The following PTPN14 variants were observed in gnomAD, a reference collection of about 807,000 sequenced individuals.
The protein encoded by PTPN14 is protein tyrosine phosphatase non-receptor type 14, also known as tyrosine-protein phosphatase non-receptor type 14.
Under a neutral mutation model 126.8 loss-of-function variants are expected in PTPN14, and 53 were observed. That is an observed-to-expected ratio of 0.42 (90% CI 0.34 to 0.53). The LOEUF (loss-of-function observed/expected upper bound fraction) is 0.53, where lower values mean the gene tolerates loss of function less well. Among genes scored for constraint, PTPN14 ranks in the 20% least tolerant of loss-of-function variants. PTPN14 has a pLI of 0.08. For missense variants in PTPN14, 1,257 were observed against 1,552.9 expected (o/e 0.81, Z 3.20); for synonymous variants, 630 against 599.3 (o/e 1.05, Z -0.75).
intron 3 of PTPN14, among the ~76,000 whole-genome samples, chr1:214,440,398 C>G (rs1489677102): frequency 1.3e-5 from 2 of 152,176 alleles, no homozygotes; most frequent in Non-Finnish European, 2.9e-5. Flanking sequence ...ACGCTTGGTA[C>G]TCTTTCTATG....
At chr1:214,528,965 T>A (rs1196481994) in intron 1 of PTPN14, 4 of 151,960 alleles carry the variant, frequency 2.6e-5, no homozygotes, top group South Asian at 2.1e-4. Flanking sequence ...ATGGTTGTTT[T>A]AAAAAATGGG....
intron 18 of PTPN14, among the ~76,000 whole-genome samples, chr1:214,363,318 G>A (rs920273028): frequency 6.6e-6 from 1 of 152,212 alleles, no homozygotes; most frequent in Non-Finnish European, 1.5e-5. Flanking sequence ...AGAGTTTAAT[G>A]TCTAAGCTTA....
chr1:214,410,154 CATTT>C (rs1659269460), intron 5 of PTPN14, among the ~76,000 whole-genome samples: 1 of 152,102 alleles, frequency 6.6e-6, no homozygotes, highest in Non-Finnish European at 1.5e-5. Context: ...GATACAATCT[CATTT>C]ATTTATTTTT....
chr1:214,425,023 C>G (rs1659630392), intron 3 of PTPN14, among the ~76,000 whole-genome samples: 1 of 152,126 alleles, frequency 6.6e-6, no homozygotes, highest in African/African-American at 2.4e-5. Context: ...TCTCGAATTC[C>G]TGGCCTCAAG....
intron 3 of PTPN14, among the ~76,000 whole-genome samples, chr1:214,422,248 GTTTA>G (rs1210540411): frequency 6.6e-6 from 1 of 152,128 alleles, no homozygotes; most frequent in East Asian, 1.9e-4. Context: ...AGTGTGAAAT[GTTTA>G]TTTATTTTTA....
intron 10 of PTPN14, among the ~76,000 whole-genome samples, chr1:214,391,495 T>TATCTAAAGATATGTATCTAAA (rs1658750616): frequency 6.6e-6 from 1 of 152,148 alleles, no homozygotes. Flanking sequence ...ATTTTTAGTG[T>TATCTAAAGATATGTATCTAAA]GACCATATAA....
intron 2 of PTPN14, among the ~76,000 whole-genome samples, chr1:214,453,789 A>G (rs140245859): frequency 3.5e-4 from 54 of 152,366 alleles, no homozygotes; most frequent in African/African-American, 1.3e-3. Context: ...AGGCAAAGGT[A>G]GAAGCTGGAA....
At chr1:214,358,084 G>A in intron 18 of PTPN14, 34 bp from the exon 19 acceptor site, 1 of 1,607,870 alleles carries the variant, frequency 6.2e-7, no homozygotes, top group Non-Finnish European at 8.5e-7. Context: ...AAGGTCCTGA[G>A]ACAGGAGGCT....
intron 3 of PTPN14, among the ~76,000 whole-genome samples, chr1:214,435,273 T>C (rs1048339114): frequency 6.6e-6 from 1 of 151,902 alleles, no homozygotes; most frequent in Non-Finnish European, 1.5e-5. Context: ...TGTGTGTGTG[T>C]TGAGATAAAA....
chr1:214,521,388 A>G (rs1258938570), intron 1 of PTPN14, among the ~76,000 whole-genome samples: 2 of 152,228 alleles, frequency 1.3e-5, no homozygotes, highest in Non-Finnish European at 2.9e-5. Context: ...AAAAAGATGT[A>G]TAAATACTAA....
At chr1:214,410,810 T>C (rs1191368281) in intron 5 of PTPN14, among the ~76,000 whole-genome samples, 1 of 152,070 alleles carries the variant, frequency 6.6e-6, no homozygotes, top group African/African-American at 2.4e-5. Flanking sequence ...CCATTGGTCA[T>C]TGTGCCTATT....
intron 1 of PTPN14, among the ~76,000 whole-genome samples, chr1:214,477,563 A>C (rs1660894604): frequency 6.6e-6 from 1 of 152,226 alleles, no homozygotes; most frequent in Admixed American, 6.5e-5. Flanking sequence ...TGTTGTAAAA[A>C]TAATTTGTTA....
intron 1 of PTPN14, among the ~76,000 whole-genome samples, chr1:214,542,035 T>C (rs1215265593): frequency 6.6e-6 from 1 of 152,190 alleles, no homozygotes. Context: ...TGTCCTCACC[T>C]CCACCCCTGC....
chr1:214,544,487 C>G (rs138621468), intron 1 of PTPN14, among the ~76,000 whole-genome samples: 1 of 152,132 alleles, frequency 6.6e-6, no homozygotes, highest in Non-Finnish European at 1.5e-5. Flanking sequence ...CAGTGGCTCA[C>G]GCCTGTAATC....
rs879023695 is a variant in PTPN14, at chr1:214,482,181, C to T, written c.-154-17224G>A. ...ATAAAAATTATTCAAGGTGACCATC[C>T]CTTGATAGCTCATTCCAGTAACAAC... On this transcript the variant is annotated intron_variant, in intron 1 of 18. Coordinates refer to ENST00000366956, the MANE Select transcript of PTPN14 (RefSeq NM_005401.5). Among the ~76,000 whole-genome samples the T allele has an allele frequency of 6.6e-5, 10 of 151,594 alleles. No individual in the cohort carries two copies. The South Asian group carries it at 2.1e-3, about 32-fold the overall frequency.
chr1:214,379,317 A>T (rs1658419600), intron 13 of PTPN14, among the ~76,000 whole-genome samples: 1 of 152,196 alleles, frequency 6.6e-6, no homozygotes, highest in Non-Finnish European at 1.5e-5. Context: ...CCCCAGGAAG[A>T]GGTCTTGACG....
Position 214,384,885 on chromosome 1 carries a change from A to AG in PTPN14, c.1067-98_1067-97insC. 1 of 1,420,928 alleles carries AG rather than the reference A, an allele frequency of 7.0e-7. No homozygotes were observed. Among genetic ancestry groups the AG allele is most frequent in the Non-Finnish European group, 9.5e-7 (1 of 1,055,936 alleles). The allele number at this position is 1,420,928 out of a possible 1,614,324, so 88.0% of individuals were successfully genotyped here. A position where few individuals can be genotyped will look rare whatever the true frequency, so the allele number is the denominator to read the frequency against. ...ATGAGGTGACTTTTAATTTAAACAAATCATAAAAAGTGAAATCCCATGGTC... is the reference window on the plus strand; with the variant it reads ...ATGAGGTGACTTTTAATTTAAACAAAGTCATAAAAAGTGAAATCCCATGGTC... On this transcript the variant is annotated intron_variant, in intron 12 of 18. Coordinates refer to ENST00000366956, the MANE Select transcript of PTPN14 (RefSeq NM_005401.5). The surrounding 1 kb of genome is among the most constrained non-coding windows in gnomAD (Gnocchi z 5.3).
rs898863622 is a variant in PTPN14, at chr1:214,438,951, A to G, written c.344+12854T>C. 4.6e-5 allele frequency among the ~76,000 whole-genome samples: 7 copies of G among 152,346 alleles called. No individual in the cohort carries two copies. The East Asian group carries it at 1.2e-3, about 25-fold the overall frequency. On this transcript the variant is annotated intron_variant, in intron 3 of 18. Transcript: ENST00000366956. The stretch of plus-strand genomic sequence containing the variant: ...ATGCTAGCATCATCTCCTGATTCTA[A>G]ACACAAGAACTTAATTTTGGGGAGT...
intron 1 of PTPN14, among the ~76,000 whole-genome samples, chr1:214,509,562 T>G (rs1016428726): frequency 5.9e-5 from 9 of 152,228 alleles, no homozygotes; most frequent in Admixed American, 3.3e-4. Flanking sequence ...GTTGCACATG[T>G]TATCATTCAT....
Sources: gnomAD v4.1 joint callset for allele counts (sites outside exome capture counted in the v4.1 genomes callset) on GRCh38, gnomAD v4.1.1 for gene constraint, Gnocchi (gnomAD v3.1) non-coding constraint, MANE v1.5 for transcripts, NCBI Gene and HGNC (gene_info 2026-07-23, HGNC 2026-07-21) for gene names.